The following RSPO2 variants were observed in gnomAD, a reference collection of about 807,000 sequenced individuals.
RSPO2 encodes the protein R-spondin 2, also known as R-spondin-2.
Under a neutral mutation model 30.9 loss-of-function variants are expected in RSPO2, and 14 were observed. The observed-to-expected ratio is 0.45, with a 90% confidence interval of 0.30 to 0.71. RSPO2 has a LOEUF of 0.71. RSPO2 is among the 30% of genes least tolerant of loss of function. RSPO2 has a pLI of 0.08. For synonymous variants in RSPO2, 107 were observed against 96.4 expected, an observed-to-expected ratio of 1.11 and a Z score of -0.64; for missense variants, 264 against 301.9, an observed-to-expected ratio of 0.87 and a Z score of 0.93.
chr8:107,967,218 CT>C (rs957577565), intron 3 of RSPO2, among the ~76,000 whole-genome samples: 2 of 152,184 alleles, frequency 1.3e-5, no homozygotes, highest in Non-Finnish European at 2.9e-5. Context: ...CAAAATTAGA[CT>C]TTCAGCAAAT....
chr8:107,989,967 C>A (rs923021848), intron 2 of RSPO2, among the ~76,000 whole-genome samples: 12 of 152,016 alleles, frequency 7.9e-5, no homozygotes, highest in Admixed American at 2.0e-4. Context: ...GAGGAACAGT[C>A]AACAATATCA....
chr8:108,070,553 A>G (rs1812814712), intron 2 of RSPO2, among the ~76,000 whole-genome samples: 2 of 152,078 alleles, frequency 1.3e-5, no homozygotes, highest in South Asian at 2.1e-4. Context: ...CGGCCTCCCA[A>G]AGAAGACCCC....
rs1000652592 is a variant in RSPO2 at position 107,900,805 on chromosome 8, A to G, written c.*270T>C. 4 of 335,420 alleles carry G rather than the reference A, an allele frequency of 1.2e-5. No individual in the cohort carries two copies. Among genetic ancestry groups the G allele is most frequent in the African/African-American group, 8.5e-5 (4 of 47,250 alleles). The allele number at this position is 335,420 out of a possible 1,614,324, so 20.8% of individuals were successfully genotyped here. On this transcript the variant is annotated 3_prime_UTR_variant, in exon 6 of 6. Coordinates refer to ENST00000276659, the MANE Select transcript of RSPO2 (RefSeq NM_178565.5). Reference sequence around the variant, plus strand: ...TGTTCTGCAGCCTCACACCTCTAGCATGTCCATGGTGCCGGGGACGGATTC... The same window carrying G: ...TGTTCTGCAGCCTCACACCTCTAGCGTGTCCATGGTGCCGGGGACGGATTC...
intron 2 of RSPO2, among the ~76,000 whole-genome samples, chr8:108,021,124 C>G (rs1302763918): frequency 6.6e-6 from 1 of 152,046 alleles, no homozygotes; most frequent in Admixed American, 6.6e-5. Flanking sequence ...GCAGAATATC[C>G]CCAATTTAGT....
chr8:108,034,104 G>C (rs531572353), intron 2 of RSPO2, among the ~76,000 whole-genome samples: 1 of 152,236 alleles, frequency 6.6e-6, no homozygotes, highest in South Asian at 2.1e-4. Flanking sequence ...ATTCTCAGGG[G>C]ATAGATCATA....
At chr8:107,924,025 A>G (rs760363530) in intron 5 of RSPO2, among the ~76,000 whole-genome samples, 7 of 151,872 alleles carry the variant, frequency 4.6e-5, no homozygotes, top group Admixed American at 6.6e-5. Flanking sequence ...AATAATCTGT[A>G]CAAACAACCC....
intron 5 of RSPO2, among the ~76,000 whole-genome samples, chr8:107,924,073 T>G (rs1812275094): frequency 6.7e-6 from 1 of 148,378 alleles, no homozygotes; most frequent in Admixed American, 6.9e-5. Context: ...AAGTTGCACG[T>G]GTACCCCTGA....
At chr8:107,904,629 C>A (rs951139287) in intron 5 of RSPO2, among the ~76,000 whole-genome samples, 1 of 152,018 alleles carries the variant, frequency 6.6e-6, no homozygotes, top group Non-Finnish European at 1.5e-5. Flanking sequence ...TAGAGAAAGG[C>A]TACTTCTGGG....
chr8:107,991,308 T>A (rs1048903886), intron 2 of RSPO2, among the ~76,000 whole-genome samples: 2 of 149,754 alleles, frequency 1.3e-5, no homozygotes, highest in African/African-American at 5.0e-5. Flanking sequence ...GGGAAAAGAT[T>A]CACTATTCAA....
At chr8:107,982,641 G>A (rs1814484875) in intron 3 of RSPO2, among the ~76,000 whole-genome samples, 1 of 152,080 alleles carries the variant, frequency 6.6e-6, no homozygotes, top group Non-Finnish European at 1.5e-5. Context: ...TATAATCACT[G>A]GCTGCTTTCC....
At position 107,948,682 on chromosome 8, in the gene RSPO2, ACC is replaced by A. The variant is rs558823475; in HGVS notation, c.616+9396_616+9397del. Reference sequence around the variant, plus strand: ...AGACCATCCTGGCTAACACGGTGAAACCCTATCTCTACTGAAAATACAAAAAA... The same window carrying A: ...AGACCATCCTGGCTAACACGGTGAAACTATCTCTACTGAAAATACAAAAAA... On this transcript the variant is annotated intron_variant, in intron 5 of 5. Coordinates refer to ENST00000276659, the MANE Select transcript of RSPO2 (RefSeq NM_178565.5). 2.6e-4 allele frequency among the ~76,000 whole-genome samples: 40 copies of A among 152,120 alleles called. No homozygotes were observed. The South Asian group carries it at 8.1e-3, about 31-fold the overall frequency.
intron 5 of RSPO2, among the ~76,000 whole-genome samples, chr8:107,940,803 G>GA (rs1812872080): frequency 1.3e-5 from 2 of 151,968 alleles, no homozygotes; most frequent in African/African-American, 2.4e-5. Flanking sequence ...GATGAATAAG[G>GA]AAAAAATGGA....
chr8:108,011,538 G>A (rs555310710), intron 2 of RSPO2, among the ~76,000 whole-genome samples: 4 of 152,120 alleles, frequency 2.6e-5, no homozygotes, highest in Admixed American at 6.6e-5. Context: ...ATGTTTTAAA[G>A]AAGAATAATT....
rs554536923 is a variant in RSPO2, at chr8:108,033,046, T to C, written c.95-43802A>G. On this transcript the variant is annotated intron_variant, in intron 2 of 5. Coordinates refer to ENST00000276659, the MANE Select transcript of RSPO2 (RefSeq NM_178565.5). ...GCCTGGGTGACAGAGCAAGACTCTG[T>C]CTCAAAAAAAAAAAAAAAAAAAAAA... 6.4e-4 allele frequency among the ~76,000 whole-genome samples: 48 copies of C among 75,490 alleles called. No homozygotes were observed. The East Asian group carries it at 0.012, about 20-fold the overall frequency. 49.5% of individuals were successfully genotyped at this position (75,490 alleles called of 152,430 possible).
Position 107,960,849 on chromosome 8 carries a change from T to A in RSPO2, c.284-32A>T, listed in dbSNP as rs761715363. On this transcript the variant is annotated intron_variant, in intron 3 of 5. Coordinates refer to ENST00000276659, the MANE Select transcript of RSPO2 (RefSeq NM_178565.5). ...ACAATTTTAAAGAGAAAAAAGAAAA[T>A]TTCAGTCAAAGAAATTTACTTGTTT... 4 of 1,505,120 alleles carry A rather than the reference T, an allele frequency of 2.7e-6. No homozygotes were observed. The East Asian group carries it at 9.4e-5, about 35-fold the overall frequency. 93.2% of individuals were successfully genotyped at this position (1,505,120 alleles called of 1,614,324 possible). A position where few individuals can be genotyped will look rare whatever the true frequency, so the allele number is the denominator to read the frequency against.
chr8:107,935,993 A>G (rs1242575240), intron 5 of RSPO2, among the ~76,000 whole-genome samples: 2 of 152,136 alleles, frequency 1.3e-5, no homozygotes, highest in Non-Finnish European at 2.9e-5. Context: ...TTTGAAATAT[A>G]CACGTTGTTA....
intron 5 of RSPO2, among the ~76,000 whole-genome samples, chr8:107,904,214 T>C (rs1811565911): frequency 6.6e-6 from 1 of 152,034 alleles, no homozygotes; most frequent in African/African-American, 2.4e-5. Context: ...TTGCTGCACA[T>C]TCCCAAGCAC....
At chr8:108,028,064 C>T (rs57006745) in intron 2 of RSPO2, among the ~76,000 whole-genome samples, 4,445 of 152,204 alleles carry the variant, frequency 0.029, 212 homozygotes, top group African/African-American at 0.1. Flanking sequence ...CTTAGGCTGA[C>T]GCTCAAGAGA....
chr8:107,993,066 C>T (rs1282159267), intron 2 of RSPO2, among the ~76,000 whole-genome samples: 2 of 151,142 alleles, frequency 1.3e-5, no homozygotes, highest in African/African-American at 2.5e-5. Context: ...ATGTAAAAAA[C>T]ATATAATGAT....
Sources: allele counts gnomAD v4.1 joint callset (sites outside exome capture counted in the v4.1 genomes callset), GRCh38; gene constraint gnomAD v4.1.1; transcripts MANE v1.5; gene names NCBI Gene and HGNC (gene_info 2026-07-23, HGNC 2026-07-21).